The following HIVEP2 variants were observed in gnomAD, a reference collection of about 807,000 sequenced individuals.
HIVEP2 encodes HIVEP zinc finger 2.
Under a neutral mutation model 180.7 loss-of-function variants are expected in HIVEP2, and 14 were observed. The ratio of observed to expected loss-of-function variants is 0.08; its 90% CI spans 0.05 to 0.12. HIVEP2 has a LOEUF of 0.12. Among genes scored for constraint, HIVEP2 ranks in the 10% least tolerant of loss-of-function variants. The pLI is 1.00. For synonymous variants in HIVEP2, 1,184 were observed against 1,136.4 expected, an observed-to-expected ratio of 1.04 and a Z score of -0.84; for missense variants, 2,579 against 3,008.5, an observed-to-expected ratio of 0.86 and a Z score of 3.34.
chr6:142,878,976 T>A (rs1562276000), intron 1 of HIVEP2, among the ~76,000 whole-genome samples: 1 of 152,204 alleles, frequency 6.6e-6, no homozygotes, highest in African/African-American at 2.4e-5. Context: ...GGATATGTCA[T>A]CTAACATGTC....
At chr6:142,850,650 G>A (rs1313189441) in intron 1 of HIVEP2, among the ~76,000 whole-genome samples, 1 of 152,210 alleles carries the variant, frequency 6.6e-6, no homozygotes, top group Non-Finnish European at 1.5e-5. Flanking sequence ...CAAAGAGGCT[G>A]CCCAAACTAC....
At chr6:142,869,064 C>T (rs370630344) in intron 1 of HIVEP2, among the ~76,000 whole-genome samples, 26 of 152,112 alleles carry the variant, frequency 1.7e-4, no homozygotes, top group South Asian at 4.1e-4. Context: ...TGTCTGGAGA[C>T]ATTTTTTATT....
intron 1 of HIVEP2, among the ~76,000 whole-genome samples, chr6:142,839,250 T>C (rs1160428840): frequency 6.6e-6 from 1 of 152,074 alleles, no homozygotes; most frequent in African/African-American, 2.4e-5. Context: ...CACACGATGG[T>C]AAATGGCCTA....
At chr6:142,911,079 A>G (rs910149082) in intron 1 of HIVEP2, among the ~76,000 whole-genome samples, 1 of 151,732 alleles carries the variant, frequency 6.6e-6, no homozygotes, top group East Asian at 1.9e-4. Flanking sequence ...AATAAAGTTT[A>G]AAGGTCACCT....
intron 2 of HIVEP2, among the ~76,000 whole-genome samples, chr6:142,812,657 C>A (rs183754649): frequency 6.6e-6 from 1 of 151,942 alleles, no homozygotes; most frequent in African/African-American, 2.4e-5. Context: ...TGATCAGAAC[C>A]GACCCAGATG....
At chr6:142,831,180 C>T (rs1328267342) in intron 2 of HIVEP2, among the ~76,000 whole-genome samples, 1 of 152,096 alleles carries the variant, frequency 6.6e-6, no homozygotes, top group African/African-American at 2.4e-5. Flanking sequence ...ACAAGGGCAC[C>T]ATGATGCAAA....
At chr6:142,780,461 G>C (rs1456986304) in intron 3 of HIVEP2, among the ~76,000 whole-genome samples, 1 of 152,144 alleles carries the variant, frequency 6.6e-6, no homozygotes, top group Non-Finnish European at 1.5e-5. Context: ...CACTATCCTT[G>C]GGGAGCCTTT....
chr6:142,938,772 T>A (rs1361300491), intron 1 of HIVEP2, among the ~76,000 whole-genome samples: 1 of 152,210 alleles, frequency 6.6e-6, no homozygotes, highest in Non-Finnish European at 1.5e-5. Flanking sequence ...GTGCAAATAA[T>A]AAGAGCTTCG....
chr6:142,753,010 G>A lies in HIVEP2; in HGVS notation c.*97C>T. 1 of 737,416 alleles carries A rather than the reference G, an allele frequency of 1.4e-6. No individual in the cohort carries two copies. Among genetic ancestry groups the A allele is most frequent in the South Asian group, 1.6e-5 (1 of 61,830 alleles). The allele number at this position is 737,416 out of a possible 1,614,324, so 45.7% of individuals were successfully genotyped here. On this transcript the variant is annotated 3_prime_UTR_variant, in exon 10 of 10. Coordinates refer to ENST00000367603, the MANE Select transcript of HIVEP2 (RefSeq NM_006734.4). The stretch of plus-strand genomic sequence containing the variant: ...TATAATAGCAAACTACTGTAACTTA[G>A]GACAGGCATGCTATAAACTGGATTA...
Position 142,751,479 on chromosome 6 carries a change from T to C in HIVEP2, c.*1628A>G, listed in dbSNP as rs1033844743. The C allele has an allele frequency of 3.9e-5, 6 of 152,702 alleles. No individual in the cohort carries two copies. Among genetic ancestry groups the C allele is most frequent in the South Asian group, 2.1e-4 (1 of 4,834 alleles). 9.5% of individuals were successfully genotyped at this position (152,702 alleles called of 1,614,324 possible). The stretch of plus-strand genomic sequence containing the variant: ...AGAACTAGACACCTCAAGCATGTAA[T>C]TGTATATTTATTTCTCTTTTTAAAG... On this transcript the variant is annotated 3_prime_UTR_variant, in exon 10 of 10. Coordinates refer to ENST00000367603, the MANE Select transcript of HIVEP2 (RefSeq NM_006734.4).
Position 142,769,822 on chromosome 6 carries a change from G to A in HIVEP2, c.4917C>T (p.Pro1639=), listed in dbSNP as rs1156346521. The A allele has an allele frequency of 6.2e-7, 1 of 1,614,202 alleles. No individual in the cohort carries two copies. The highest frequency in any genetic ancestry group is 1.1e-5 in the South Asian group (1 of 91,088). ...TCACAGTAGTTGTTGTCCGCAGACT[G>A]GGGAACTGAAGAATCTGCTGGAAAT... ...MADFQQILQF[P]SLRTTTTVSW... is the part of the protein sequence containing the mutation. The change falls in exon 5 of 10, where the codon CCC becomes CCT. Residue 1639 remains proline, a synonymous_variant. Transcript: ENST00000367603.
In HIVEP2 at chr6:142,771,623, T is replaced by C; in HGVS notation, c.3116A>G (p.His1039Arg). 6.2e-7 allele frequency: 1 copy of C among 1,614,104 alleles called. No individual in the cohort carries two copies. Among genetic ancestry groups the C allele is most frequent in the East Asian group, 2.2e-5 (1 of 44,876 alleles). The change falls in exon 5 of 10, where the codon CAC becomes CGC. Residue 1039 changes from histidine to arginine, a missense_variant. Coordinates refer to ENST00000367603, the MANE Select transcript of HIVEP2 (RefSeq NM_006734.4). This position sits in a 1 kb window ranked among gnomAD's most constrained non-coding sequence, Gnocchi z 5.4. ...CCGAACTTCTGGGACTTCCGCTGGG[T>C]GAGGACAAGGCATCTGCTCTGATGA... ...RCSSEQMPCP[H>R]PAEVPEVRSK...
chr6:142,873,594 T>C (rs1291760126), intron 1 of HIVEP2, among the ~76,000 whole-genome samples: 1 of 152,176 alleles, frequency 6.6e-6, no homozygotes, highest in Non-Finnish European at 1.5e-5. Flanking sequence ...ATTCTCAATT[T>C]TGAGCACACA....
chr6:142,815,464 T>C (rs920506175), intron 2 of HIVEP2, among the ~76,000 whole-genome samples: 1 of 152,172 alleles, frequency 6.6e-6, no homozygotes, highest in African/African-American at 2.4e-5. Flanking sequence ...TCTACTGAAA[T>C]TGCCAATTGA....
At chr6:142,840,457 T>C (rs1775335048) in intron 1 of HIVEP2, among the ~76,000 whole-genome samples, 1 of 152,106 alleles carries the variant, frequency 6.6e-6, no homozygotes, top group Non-Finnish European at 1.5e-5. Context: ...ATTTATCCCA[T>C]TACCCAAACA....
At chr6:142,936,568 GT>G in intron 1 of HIVEP2, among the ~76,000 whole-genome samples, 1 of 152,016 alleles carries the variant, frequency 6.6e-6, no homozygotes, top group Non-Finnish European at 1.5e-5. Flanking sequence ...AAAAAATCTA[GT>G]GCTATAATAT....
chr6:142,763,089 T>G (rs1775291188), intron 7 of HIVEP2, among the ~76,000 whole-genome samples: 1 of 152,216 alleles, frequency 6.6e-6, no homozygotes. Flanking sequence ...TAGTATGTGT[T>G]TCTTTCTCCT....
chr6:142,849,505 C>T (rs373343576), intron 1 of HIVEP2, among the ~76,000 whole-genome samples: 1 of 135,038 alleles, frequency 7.4e-6, no homozygotes, highest in Admixed American at 7.5e-5. Context: ...TAGAGTGATT[C>T]TTTATTTATT....
chr6:142,938,384 C>G (rs1038248260), intron 1 of HIVEP2, among the ~76,000 whole-genome samples: 3 of 152,168 alleles, frequency 2.0e-5, no homozygotes, highest in Non-Finnish European at 4.4e-5. Flanking sequence ...TGTCTGCCTT[C>G]CAAAAGAAAT....
Sources: allele counts gnomAD v4.1 joint callset (sites outside exome capture counted in the v4.1 genomes callset), GRCh38; gene constraint gnomAD v4.1.1; non-coding constraint Gnocchi (gnomAD v3.1); transcripts MANE v1.5; gene names NCBI Gene and HGNC (gene_info 2026-07-23, HGNC 2026-07-21).